CSMD2: variants seen among roughly 807,000 people sequenced by gnomAD.
The protein encoded by CSMD2 is CUB and sushi domain-containing protein 2.
Under a neutral mutation model 398.5 loss-of-function variants are expected in CSMD2, and 130 were observed. The ratio of observed to expected loss-of-function variants is 0.33; its 90% CI spans 0.28 to 0.38. The LOEUF is 0.38. Ranked by LOEUF, CSMD2 falls within the 10% of genes least tolerant of loss-of-function variation. The pLI, the probability that CSMD2 is intolerant of heterozygous loss-of-function variation, is 1.00. For missense variants in CSMD2, 3,829 were observed against 4,764.9 expected (o/e 0.80, Z 5.78); for synonymous variants, 1,828 against 1,908.5 (o/e 0.96, Z 1.10).
At chr1:33,590,595 T>TCACACACACA (rs10611040) in intron 44 of CSMD2, among the ~76,000 whole-genome samples, 15,581 of 137,426 alleles carry the variant, frequency 0.11, 1,071 homozygotes, top group East Asian at 0.28. Context: ...CTATTTCCCA[T>TCACACACACA]CACACACACA....
intron 1 of CSMD2, among the ~76,000 whole-genome samples, chr1:34,124,946 T>C (rs373713319): frequency 4.6e-5 from 7 of 152,288 alleles, no homozygotes; most frequent in Admixed American, 1.3e-4. Flanking sequence ...CATAAATCTA[T>C]GTCTACTTCC....
chr1:33,829,610 T>C (rs1659248877), intron 6 of CSMD2, among the ~76,000 whole-genome samples: 1 of 152,118 alleles, frequency 6.6e-6, no homozygotes, highest in South Asian at 2.1e-4. Context: ...TGCATTTCCA[T>C]CTGAGGTACT....
intron 3 of CSMD2, among the ~76,000 whole-genome samples, chr1:33,948,978 T>A (rs184537790): frequency 9.3e-4 from 142 of 152,278 alleles, no homozygotes; most frequent in African/African-American, 3.2e-3. Context: ...TCTGTGCCTC[T>A]CCTGGCTGTG....
At chr1:33,554,764 G>A (rs562010557) in intron 55 of CSMD2, among the ~76,000 whole-genome samples, 39 of 152,260 alleles carry the variant, frequency 2.6e-4, no homozygotes, top group African/African-American at 8.2e-4. Flanking sequence ...TTTTAAGCCC[G>A]CTGTTGAGAC....
chr1:33,544,854 T>TATATATATATATATATACAC (rs1553134872), intron 57 of CSMD2, among the ~76,000 whole-genome samples: 1 of 93,328 alleles, frequency 1.1e-5, no homozygotes, highest in African/African-American at 3.3e-5. Context: ...TATATATATA[T>TATATATATATATATATACAC]ACACATATAA....
chr1:33,881,839 T>G (rs1641259230), intron 5 of CSMD2, among the ~76,000 whole-genome samples: 1 of 152,194 alleles, frequency 6.6e-6, no homozygotes, highest in South Asian at 2.1e-4. Context: ...GTATATTAAT[T>G]TTTTAACTTA....
intron 13 of CSMD2, among the ~76,000 whole-genome samples, chr1:33,745,532 G>A (rs1214648452): frequency 2.6e-5 from 4 of 152,112 alleles, no homozygotes; most frequent in African/African-American, 9.7e-5. Flanking sequence ...TGCCAAAGGG[G>A]GGAAAACATT....
chr1:33,641,427 C>T (rs1643103067), intron 29 of CSMD2, among the ~76,000 whole-genome samples: 2 of 152,212 alleles, frequency 1.3e-5, no homozygotes, highest in Non-Finnish European at 2.9e-5. Context: ...CCTTCCACCC[C>T]ACTGGTTCTG....
intron 3 of CSMD2, among the ~76,000 whole-genome samples, chr1:34,004,689 G>A (rs1374328725): frequency 6.6e-6 from 1 of 152,110 alleles, no homozygotes; most frequent in Non-Finnish European, 1.5e-5. Context: ...AGGGGAGGGA[G>A]TACATCTTGC....
rs10914822 is a variant in CSMD2 at position 33,951,270 on chromosome 1, T to G, written c.518-15316A>C. 2.8e-3 allele frequency among the ~76,000 whole-genome samples: 425 copies of G among 152,308 alleles called. 1 individual carries two copies. Among genetic ancestry groups the G allele is most frequent in the African/African-American group, 9.6e-3 (399 of 41,570 alleles). On this transcript the variant is annotated intron_variant, in intron 3 of 70. Transcript: ENST00000373381. ...CATTGCACTCCATTCTGTCATCTGT[T>G]CAAGAGGCACATGGCTTACTGGAGC... is the stretch of plus-strand genomic sequence containing the variant.
chr1:33,827,748 A>G (rs1658993940), intron 6 of CSMD2, among the ~76,000 whole-genome samples: 1 of 152,210 alleles, frequency 6.6e-6, no homozygotes, highest in African/African-American at 2.4e-5. Context: ...TACCTACTCA[A>G]TAGATAATCA....
At chr1:33,640,074 C>A (rs1469482788) in intron 29 of CSMD2, among the ~76,000 whole-genome samples, 2 of 152,144 alleles carry the variant, frequency 1.3e-5, no homozygotes, top group Non-Finnish European at 2.9e-5. Context: ...AATGATAACA[C>A]TAAATGACTA....
rs55771161 is a variant in CSMD2 at position 33,889,753 on chromosome 1, CTGTGTGTG to C, written c.920+28333_920+28340del. The stretch of plus-strand genomic sequence containing the variant: ...ATATGTTTATGTTTCACCTCCTATC[CTGTGTGTG>C]TGTGTGTGTGTGTGTGTGTGTGTGC... On this transcript the variant is annotated intron_variant, in intron 5 of 70. Coordinates refer to ENST00000373381, the MANE Select transcript of CSMD2 (RefSeq NM_001281956.2). Among the ~76,000 whole-genome samples, 330 of 148,174 alleles carry C rather than the reference CTGTGTGTG, an allele frequency of 2.2e-3. 2 individuals carry two copies. Among genetic ancestry groups the C allele is most frequent in the African/African-American group, 5.5e-3 (221 of 40,288 alleles).
chr1:33,785,403 A>G (rs1397058315), intron 12 of CSMD2, among the ~76,000 whole-genome samples: 1 of 152,256 alleles, frequency 6.6e-6, no homozygotes, highest in African/African-American at 2.4e-5. Flanking sequence ...GGGAAAATCC[A>G]TGGGCTTCTG....
At chr1:34,044,536 T>G (rs1652256289) in intron 2 of CSMD2, among the ~76,000 whole-genome samples, 1 of 139,108 alleles carries the variant, frequency 7.2e-6, no homozygotes, top group Non-Finnish European at 1.6e-5. Context: ...ATGAGGCTGT[T>G]GCTATGTCAG....
intron 2 of CSMD2, among the ~76,000 whole-genome samples, chr1:34,034,608 G>A (rs1289979214): frequency 1.3e-5 from 2 of 152,160 alleles, no homozygotes; most frequent in African/African-American, 2.4e-5. Context: ...TCCATGCAGC[G>A]AGATTTATCT....
chr1:33,614,386 G>A (rs957475507), intron 40 of CSMD2, 118 bp downstream of exon 40: 2 of 683,836 alleles, frequency 2.9e-6, no homozygotes, highest in Non-Finnish European at 2.7e-6. Context: ...AAAACAGAGA[G>A]GCAGAGTACT....
chr1:33,685,138 T>C (rs1645025297), intron 25 of CSMD2, among the ~76,000 whole-genome samples: 1 of 152,206 alleles, frequency 6.6e-6, no homozygotes, highest in Non-Finnish European at 1.5e-5. Flanking sequence ...CCTCTTCTTT[T>C]AGACTGGAAC....
chr1:33,778,816 G>T (rs528382717), intron 12 of CSMD2, among the ~76,000 whole-genome samples: 1 of 152,180 alleles, frequency 6.6e-6, no homozygotes, highest in Non-Finnish European at 1.5e-5. Context: ...GGCAGCTCAA[G>T]CCTCTGGCTG....
Sources: allele counts gnomAD v4.1 joint callset (sites outside exome capture counted in the v4.1 genomes callset), GRCh38; gene constraint gnomAD v4.1.1; transcripts MANE v1.5; gene names NCBI Gene and HGNC (gene_info 2026-07-23, HGNC 2026-07-21).